The following DPYD variants were observed in gnomAD, a reference collection of about 807,000 sequenced individuals.
DPYD encodes dihydropyrimidine dehydrogenase [NADP(+)].
A neutral mutation model predicts 116.2 loss-of-function variants in DPYD; 109 were observed. That is an observed-to-expected ratio of 0.94 (90% CI 0.80 to 1.10). The LOEUF (loss-of-function observed/expected upper bound fraction) is 1.10. Among genes scored for constraint, DPYD ranks in the 50% least tolerant of loss-of-function variants. The pLI, the probability that DPYD is intolerant of heterozygous loss-of-function variation, is 0.00. For synonymous variants in DPYD, 440 were observed against 432.0 expected (o/e 1.02, Z -0.23); for missense variants, 1,302 against 1,254.5 (o/e 1.04, Z -0.57).
At chr1:97,866,334 A>T (rs1671376029) in intron 2 of DPYD, among the ~76,000 whole-genome samples, 3 of 151,922 alleles carry the variant, frequency 2.0e-5, no homozygotes, top group African/African-American at 7.2e-5. Context: ...AATGAGTTAG[A>T]GGTATGACAA....
intron 21 of DPYD, among the ~76,000 whole-genome samples, chr1:97,090,080 A>T (rs941195578): frequency 1.3e-5 from 2 of 152,094 alleles, no homozygotes; most frequent in Non-Finnish European, 2.9e-5. Flanking sequence ...TGTGCTTTCT[A>T]TGAATTCCAA....
chr1:97,835,034 G>T (rs1273042139), intron 2 of DPYD, among the ~76,000 whole-genome samples: 2 of 151,888 alleles, frequency 1.3e-5, no homozygotes, highest in Non-Finnish European at 2.9e-5. Flanking sequence ...TCCTTTCAGG[G>T]AACATTAAGA....
chr1:97,505,514 T>C (rs1367451374), intron 13 of DPYD, among the ~76,000 whole-genome samples: 1 of 151,542 alleles, frequency 6.6e-6, no homozygotes, highest in African/African-American at 2.4e-5. Context: ...ATTTAAAAAA[T>C]AAAATATTGC....
At chr1:97,785,681 CTTTTTTTTTTTTTTTT>C (rs35229030) in intron 3 of DPYD, among the ~76,000 whole-genome samples, 2 of 62,540 alleles carry the variant, frequency 3.2e-5, no homozygotes, top group African/African-American at 7.1e-5. Context: ...GCCACTGACT[CTTTTTTTTTTTTTTTT>C]TTTTTTTTTT....
chr1:97,163,990 C>A (rs1238737049), intron 20 of DPYD, among the ~76,000 whole-genome samples: 1 of 152,066 alleles, frequency 6.6e-6, no homozygotes, highest in African/African-American at 2.4e-5. Context: ...AAACTTCAGG[C>A]CAATATCCTT....
intron 1 of DPYD, among the ~76,000 whole-genome samples, chr1:97,896,478 G>A (rs556060843): frequency 3.7e-4 from 56 of 151,762 alleles, no homozygotes; most frequent in East Asian, 3.3e-3. Context: ...ACTTCTCCCC[G>A]TCTCATATTT....
chr1:97,687,772 T>C (rs1039025191), intron 7 of DPYD, among the ~76,000 whole-genome samples: 2 of 152,130 alleles, frequency 1.3e-5, no homozygotes, highest in African/African-American at 4.8e-5. Context: ...GTGGTACATA[T>C]ACACCATGGA....
At chr1:97,535,847 A>G (rs576912447) in intron 12 of DPYD, among the ~76,000 whole-genome samples, 1 of 152,198 alleles carries the variant, frequency 6.6e-6, no homozygotes, top group Non-Finnish European at 1.5e-5. Flanking sequence ...ACAAACAAAA[A>G]CCTTCACATT....
chr1:97,912,759 G>A (rs913230761), intron 1 of DPYD, among the ~76,000 whole-genome samples: 6 of 152,036 alleles, frequency 3.9e-5, no homozygotes, highest in Non-Finnish European at 8.8e-5. Flanking sequence ...GGTAACACAC[G>A]TTACCCCTAG....
intron 13 of DPYD, among the ~76,000 whole-genome samples, chr1:97,467,337 C>T (rs1182197915): frequency 2.0e-5 from 3 of 152,178 alleles, no homozygotes; most frequent in Non-Finnish European, 4.4e-5. Flanking sequence ...AATTTCAAAA[C>T]AAAGCTTCTC....
chr1:97,496,688 G>T (rs1296202231), intron 13 of DPYD, among the ~76,000 whole-genome samples: 1 of 151,836 alleles, frequency 6.6e-6, no homozygotes, highest in East Asian at 1.9e-4. Context: ...CAACTGTTTG[G>T]TATCATCTTT....
rs556740592 is a variant in DPYD at position 97,510,712 on chromosome 1, A to G, written c.1740+5014T>C. Among the ~76,000 whole-genome samples, 17 of 152,098 alleles carry G rather than the reference A, an allele frequency of 1.1e-4. No homozygotes were observed. In the South Asian group the frequency reaches 3.3e-3, roughly 30 times the overall value. ...GGTTTTGCACTTCTTTTTATCAATA[A>G]GTGGATGGTATTTACCTACTTCATG... On this transcript the variant is annotated intron_variant, in intron 13 of 22. Transcript: ENST00000370192.
At chr1:97,696,891 G>A (rs1450154301) in intron 6 of DPYD, among the ~76,000 whole-genome samples, 1 of 151,562 alleles carries the variant, frequency 6.6e-6, no homozygotes, top group Admixed American at 6.6e-5. Context: ...TCTCTTTATT[G>A]TCAATCAACA....
At chr1:97,210,210 G>A (rs912205123) in intron 19 of DPYD, among the ~76,000 whole-genome samples, 4 of 152,152 alleles carry the variant, frequency 2.6e-5, no homozygotes, top group African/African-American at 4.8e-5. Flanking sequence ...AGAATTGGAT[G>A]AGCATGTGTT....
chr1:97,911,269 T>C (rs1166209252), intron 1 of DPYD, among the ~76,000 whole-genome samples: 1 of 152,076 alleles, frequency 6.6e-6, no homozygotes, highest in Non-Finnish European at 1.5e-5. Context: ...TAAAGGATGC[T>C]TAAGTTTTGT....
chr1:97,270,818 T>C (rs1664534842), intron 18 of DPYD, among the ~76,000 whole-genome samples: 1 of 152,208 alleles, frequency 6.6e-6, no homozygotes, highest in Admixed American at 6.6e-5. Context: ...TCGAGCAAAT[T>C]TATTCAGGAA....
chr1:97,418,306 ATTT>A (rs71311934), intron 14 of DPYD, among the ~76,000 whole-genome samples: 1 of 144,058 alleles, frequency 6.9e-6, no homozygotes. Context: ...ATATAAGATG[ATTT>A]TTTTTTTTTT....
chr1:97,398,167 A>G (rs1371352430), intron 14 of DPYD, among the ~76,000 whole-genome samples: 1 of 151,968 alleles, frequency 6.6e-6, no homozygotes, highest in Admixed American at 6.6e-5. Flanking sequence ...TCATTGTTCA[A>G]TTCCCACCTA....
intron 21 of DPYD, among the ~76,000 whole-genome samples, chr1:97,094,865 C>A (rs1349331143): frequency 6.6e-6 from 1 of 151,994 alleles, no homozygotes; most frequent in Non-Finnish European, 1.5e-5. Flanking sequence ...TTTCCCCAAC[C>A]TGTTCTTCAG....
Sources: allele counts gnomAD v4.1 joint callset (sites outside exome capture counted in the v4.1 genomes callset), GRCh38; gene constraint gnomAD v4.1.1; transcripts MANE v1.5; gene names NCBI Gene and HGNC (gene_info 2026-07-23, HGNC 2026-07-21).